CFAP44: variants seen among roughly 807,000 people sequenced by gnomAD.
CFAP44 encodes the protein cilia and flagella associated protein 44, also known as cilia- and flagella-associated protein 44.
CFAP44 carries 134 observed loss-of-function variants against 216.2 expected under a neutral mutation model. That is an observed-to-expected ratio of 0.62 (90% CI 0.54 to 0.72). The LOEUF (loss-of-function observed/expected upper bound fraction) is 0.72, where lower values mean the gene tolerates loss of function less well. Among genes scored for constraint, CFAP44 ranks in the 30% least tolerant of loss-of-function variants. The pLI is 0.00. For missense variants in CFAP44, 2,035 were observed against 2,182.1 expected (o/e 0.93, Z 1.34); for synonymous variants, 700 against 727.6 (o/e 0.96, Z 0.61).
intron 28 of CFAP44, among the ~76,000 whole-genome samples, chr3:113,320,948 A>C (rs1364114935): frequency 6.6e-6 from 1 of 152,154 alleles, no homozygotes; most frequent in Non-Finnish European, 1.5e-5. Flanking sequence ...CAGGATCAAT[A>C]CTTTGCATCC....
At position 113,306,340 on chromosome 3, in the gene CFAP44, A is replaced by G. The variant is rs1165268342; in HGVS notation, c.4628-9T>C. ...AAGAGCCACATCACAATCTGCCAAG[A>G]GAATTAAAATAAAAACCAGCCTCAT... is the stretch of plus-strand genomic sequence containing the variant. On this transcript the variant is annotated splice_polypyrimidine_tract_variant and intron_variant, in intron 29 of 34. Coordinates refer to ENST00000393845, the MANE Select transcript of CFAP44 (RefSeq NM_001164496.2). The G allele has an allele frequency of 6.5e-7, 1 of 1,533,470 alleles. No individual in the cohort carries two copies. The highest frequency in any genetic ancestry group is 8.7e-7 in the Non-Finnish European group (1 of 1,145,994). The allele number at this position is 1,533,470 out of a possible 1,614,324, so 95.0% of individuals were successfully genotyped here. A position where few individuals can be genotyped will look rare whatever the true frequency, so the allele number is the denominator to read the frequency against.
At chr3:113,357,638 C>T (rs1003396587) in intron 22 of CFAP44, among the ~76,000 whole-genome samples, 1 of 152,180 alleles carries the variant, frequency 6.6e-6, no homozygotes, top group East Asian at 1.9e-4. Flanking sequence ...CAGTAAATAA[C>T]CAGTTTTAAG....
chr3:113,352,396 A>C (rs1950453633), intron 22 of CFAP44, among the ~76,000 whole-genome samples: 3 of 152,204 alleles, frequency 2.0e-5, no homozygotes, highest in Admixed American at 1.3e-4. Flanking sequence ...TTGGGTCTGC[A>C]CCACCTTTAA....
chr3:113,302,448 T>A (rs1949944338), intron 32 of CFAP44, among the ~76,000 whole-genome samples: 2 of 98,134 alleles, frequency 2.0e-5, no homozygotes, highest in African/African-American at 4.5e-5. Context: ...AAAGATACAC[T>A]AGACAAAGTA....
At chr3:113,359,615 A>C (rs1950519650) in intron 21 of CFAP44, among the ~76,000 whole-genome samples, 1 of 152,166 alleles carries the variant, frequency 6.6e-6, no homozygotes, top group African/African-American at 2.4e-5. Flanking sequence ...TGGTTTTTTT[A>C]ACCAACATGA....
chr3:113,340,694 T>A (rs1341058624), intron 24 of CFAP44, among the ~76,000 whole-genome samples: 1 of 152,212 alleles, frequency 6.6e-6, no homozygotes, highest in Non-Finnish European at 1.5e-5. Context: ...GAAGCCCCAA[T>A]GGGCGTGTCT....
At position 113,288,271 on chromosome 3, in the gene CFAP44, T is replaced by A. The variant is rs561156409; in HGVS notation, c.*3286A>T. On this transcript the variant is annotated 3_prime_UTR_variant, in exon 35 of 35. Coordinates refer to ENST00000393845, the MANE Select transcript of CFAP44 (RefSeq NM_001164496.2). ...CATCCTCTGCTGGCCAAAATAAGTATAGCACCTGCTATTCCTGACTTCTGC... is the reference window on the plus strand; with the variant it reads ...CATCCTCTGCTGGCCAAAATAAGTAAAGCACCTGCTATTCCTGACTTCTGC... The A allele has an allele frequency of 1.3e-5, 2 of 152,288 alleles. No homozygotes were observed. Among genetic ancestry groups the A allele is most frequent in the East Asian group, 3.9e-4 (2 of 5,186 alleles). The allele number at this position is 152,288 out of a possible 1,614,324, so 9.4% of individuals were successfully genotyped here. A position where few individuals can be genotyped will look rare whatever the true frequency, so the allele number is the denominator to read the frequency against.
At chr3:113,438,126 T>C (rs1048848901) in intron 1 of CFAP44, among the ~76,000 whole-genome samples, 2 of 152,232 alleles carry the variant, frequency 1.3e-5, no homozygotes, top group Admixed American at 6.5e-5. Context: ...TGGTTAGGAA[T>C]CATGAGTTTA....
chr3:113,419,269 C>A (rs1429439816), intron 5 of CFAP44, among the ~76,000 whole-genome samples: 1 of 152,144 alleles, frequency 6.6e-6, no homozygotes, highest in Non-Finnish European at 1.5e-5. Context: ...GTTATTGCCA[C>A]ATTATCATGT....
In CFAP44 at chr3:113,366,000, A is replaced by T. The variant is rs199690254; in HGVS notation, c.2715+39T>A. 2.8e-4 allele frequency: 431 copies of T among 1,550,318 alleles called. 4 individuals are homozygous for T. The African/African-American group carries it at 5.2e-3, about 19-fold the overall frequency. On this transcript the variant is annotated intron_variant, in intron 19 of 34. Coordinates refer to ENST00000393845, the MANE Select transcript of CFAP44 (RefSeq NM_001164496.2). ...AATTTTAATATCACTATTTTTAAAT[A>T]CAGTTTGTTATTAATTAACTGGTTA...
In CFAP44 at chr3:113,427,192, G is replaced by C; in HGVS notation, c.248C>G (p.Thr83Ser). 6.2e-7 allele frequency: 1 copy of C among 1,612,358 alleles called. No individual in the cohort carries two copies. The change falls in exon 3 of 35, where the codon ACT becomes AGT. Residue 83 changes from threonine to serine, a missense_variant. Physicochemically the swap from Thr to Ser is moderately conservative, Grantham distance 58. Coordinates refer to ENST00000393845, the MANE Select transcript of CFAP44 (RefSeq NM_001164496.2). Reference sequence around the variant, plus strand: ...AGAAAACTAATAATACCTACCTGTAGTGCTTTGCAAATCACCATACTGAAA... The same window carrying C: ...AGAAAACTAATAATACCTACCTGTACTGCTTTGCAAATCACCATACTGAAA... ...SSFQYGDLQSTTVPQQTPAPA... is the reference protein window; with the variant it reads ...SSFQYGDLQSSTVPQQTPAPA...
In CFAP44 at chr3:113,291,709, C is replaced by T; in HGVS notation, c.5413G>A (p.Ala1805Thr). Residue 1805 changes from alanine (A) to threonine (T), a missense_variant, in exon 35 of 35, where the codon GCA becomes ACA. By Grantham distance (58) the Ala-to-Thr change is moderately conservative. Coordinates refer to ENST00000393845, the MANE Select transcript of CFAP44 (RefSeq NM_001164496.2). Reference sequence around the variant, plus strand: ...ATCAATTCAGTGACCTCCTCTCTTGCCACAACATCTGCTTCCCGAGGGCCC... The same window carrying T: ...ATCAATTCAGTGACCTCCTCTCTTGTCACAACATCTGCTTCCCGAGGGCCC... ...FQGPREADVV[A>T]REEVTELIQL... is the part of the protein sequence containing the mutation. 2 of 1,536,848 alleles carry T rather than the reference C, an allele frequency of 1.3e-6. No homozygotes were observed. Among genetic ancestry groups the T allele is most frequent in the Non-Finnish European group, 1.7e-6 (2 of 1,146,994 alleles).
intron 18 of CFAP44, among the ~76,000 whole-genome samples, chr3:113,372,568 A>G (rs987778447): frequency 3.3e-5 from 5 of 152,112 alleles, no homozygotes; most frequent in Admixed American, 1.3e-4. Context: ...ATCACACACC[A>G]GGGCCTGTTG....
intron 33 of CFAP44, among the ~76,000 whole-genome samples, chr3:113,295,858 C>T (rs922446218): frequency 6.6e-6 from 1 of 152,114 alleles, no homozygotes; most frequent in African/African-American, 2.4e-5. Flanking sequence ...ACAATTCAAG[C>T]CTGAGAGGAT....
intron 19 of CFAP44, 93 bp from the exon 20 acceptor site, chr3:113,363,625 G>T: frequency 2.6e-6 from 3 of 1,160,556 alleles, no homozygotes; most frequent in Non-Finnish European, 2.3e-6. Flanking sequence ...ACTCAAATTG[G>T]TTCGGTTTTC....
intron 4 of CFAP44, among the ~76,000 whole-genome samples, chr3:113,422,592 G>A (rs1415792987): frequency 2.0e-5 from 3 of 152,144 alleles, no homozygotes; most frequent in African/African-American, 7.2e-5. Flanking sequence ...ATGAATATGT[G>A]ATCCAAAGAT....
chr3:113,317,756 G>C (rs780332505), intron 28 of CFAP44, among the ~76,000 whole-genome samples: 1 of 152,222 alleles, frequency 6.6e-6, no homozygotes, highest in South Asian at 2.1e-4. Flanking sequence ...CCTGGGCTGG[G>C]GTGAGAATGG....
chr3:113,398,177 G>C (rs1454621217), intron 13 of CFAP44, among the ~76,000 whole-genome samples: 2 of 152,292 alleles, frequency 1.3e-5, no homozygotes, highest in Admixed American at 6.5e-5. Flanking sequence ...AGAAGAATAA[G>C]GCATGGTTGT....
intron 6 of CFAP44, among the ~76,000 whole-genome samples, chr3:113,410,298 C>A (rs147760700): frequency 1.3e-5 from 2 of 152,098 alleles, no homozygotes; most frequent in African/African-American, 4.8e-5. Context: ...ATCCCTACCC[C>A]CTCTCCCACC....
Sources: allele counts gnomAD v4.1 joint callset (sites outside exome capture counted in the v4.1 genomes callset), GRCh38; gene constraint gnomAD v4.1.1; transcripts MANE v1.5; gene names NCBI Gene and HGNC (gene_info 2026-07-23, HGNC 2026-07-21).